ABCC6: variants seen among roughly 807,000 people sequenced by gnomAD.
The protein encoded by ABCC6 is ATP binding cassette subfamily C member 6.
ABCC6 carries 126 observed loss-of-function variants against 169.5 expected under a neutral mutation model. The observed-to-expected ratio is 0.74, with a 90% CI of 0.64 to 0.86. The LOEUF is 0.86. Ranked by LOEUF, ABCC6 falls within the 40% of genes least tolerant of loss-of-function variation. The pLI is 0.00. For missense variants in ABCC6, 1,733 were observed against 1,927.2 expected, an observed-to-expected ratio of 0.90 and a Z score of 1.89; for synonymous variants, 752 against 814.7, an observed-to-expected ratio of 0.92 and a Z score of 1.31.
intron 11 of ABCC6, among the ~76,000 whole-genome samples, chr16:16,191,067 C>T (rs7195276): frequency 0.97 from 145,708 of 150,570 alleles, 70,671 homozygotes; most frequent in East Asian, 1. Context: ...TCAGGGTCTC[C>T]TGTGCTTCAC....
intron 16 of ABCC6, 33 bp from the exon 17 acceptor site, chr16:16,182,621 T>C: frequency 6.2e-7 from 1 of 1,608,196 alleles, no homozygotes; most frequent in Non-Finnish European, 8.5e-7. Flanking sequence ...CACAGGAGGA[T>C]GATGGGGACA....
Position 16,157,819 on chromosome 16 carries a change from G to A in ABCC6, c.3736-10C>T, listed in dbSNP as rs370514701. ...GCAGCCTCCAGGGAGCCTGGAGCAG[G>A]AGGGGAAACTGAGTCAGAGGAGCCT... On this transcript the variant is annotated splice_polypyrimidine_tract_variant and intron_variant, in intron 26 of 30. Transcript: ENST00000205557. 3 of 1,607,836 alleles carry A rather than the reference G, an allele frequency of 1.9e-6. No individual in the cohort carries two copies. The highest frequency in any genetic ancestry group is 2.7e-5 in the African/African-American group (2 of 74,880).
chr16:16,198,618 G>A (rs947886032), intron 9 of ABCC6, among the ~76,000 whole-genome samples: 6 of 152,040 alleles, frequency 3.9e-5, no homozygotes, highest in Admixed American at 3.9e-4. Flanking sequence ...GGAGGCTGAG[G>A]TGGGAGGATT....
In ABCC6 at chr16:16,188,961, A is replaced by G. The variant is rs914084997; in HGVS notation, c.1649T>C (p.Val550Ala). 8.7e-6 allele frequency: 14 copies of G among 1,606,564 alleles called. 1 individual carries two copies. In the Middle Eastern group the frequency reaches 4.9e-4, roughly 57 times the overall value. Reference protein sequence around the residue: ...QVSTFLVALVVFAVHTLVAEN... With the variant: ...QVSTFLVALVAFAVHTLVAEN... ...GGCCACCAGAGTGTGGACAGCAAAC[A>G]CCACCAGTGCGACCTGGGGGGTGGG... Residue 550 changes from valine to alanine, a missense_variant, in exon 13 of 31, where the codon GTG becomes GCG. Physicochemically the swap from Val to Ala is moderately conservative, Grantham distance 64. Coordinates refer to ENST00000205557, the MANE Select transcript of ABCC6 (RefSeq NM_001171.6).
At chr16:16,171,966 G>A (rs1343833526) in intron 21 of ABCC6, among the ~76,000 whole-genome samples, 1 of 138,570 alleles carries the variant, frequency 7.2e-6, no homozygotes, top group Non-Finnish European at 1.6e-5. Flanking sequence ...GTGGTTGGGT[G>A]GGTGGGATGG....
At chr16:16,210,879 A>C (rs1280882516) in intron 6 of ABCC6, among the ~76,000 whole-genome samples, 1 of 152,102 alleles carries the variant, frequency 6.6e-6, no homozygotes, top group Non-Finnish European at 1.5e-5. Flanking sequence ...AGATCACTTG[A>C]GGTCAGGAGT....
intron 13 of ABCC6, among the ~76,000 whole-genome samples, 185 bp from the exon 14 acceptor site, chr16:16,187,396 T>C (rs921002166): frequency 2.6e-5 from 4 of 152,174 alleles, no homozygotes; most frequent in Non-Finnish European, 4.4e-5. Context: ...TTGATGGTGG[T>C]GATCTCCCAC....
Position 16,154,615 on chromosome 16 carries a change from G to A in ABCC6, c.4208+13C>T. Reference sequence around the variant, plus strand: ...CCCACCTGCAGGTCCCAGCCATGGTGGGACGACCATACCTCAGGTCCTCGC... The same window carrying A: ...CCCACCTGCAGGTCCCAGCCATGGTAGGACGACCATACCTCAGGTCCTCGC... On this transcript the variant is annotated intron_variant, in intron 29 of 30. Transcript: ENST00000205557. The A allele has an allele frequency of 6.2e-7, 1 of 1,611,578 alleles. No individual in the cohort carries two copies. Among genetic ancestry groups the A allele is most frequent in the Non-Finnish European group, 8.5e-7 (1 of 1,179,966 alleles).
At position 16,165,820 on chromosome 16, in the gene ABCC6, CAAA is replaced by C. The variant is rs72664230; in HGVS notation, c.3106_3108del (p.Phe1036del). The C allele has an allele frequency of 4.3e-6, 7 of 1,613,558 alleles. No individual in the cohort carries two copies. The Admixed American group carries it at 1.2e-4, about 27-fold the overall frequency. On this transcript the variant is annotated inframe_deletion, in exon 23 of 31. Transcript: ENST00000205557. ...AGCAGGTGACCAATGGGTGTCCGCT[CAAA>C]GAAGCTGATGGGAGATCGCACCACA...
intron 15 of ABCC6, 44 bp from the exon 16 acceptor site, chr16:16,182,974 C>T (rs375951031): frequency 8.1e-6 from 13 of 1,613,988 alleles, no homozygotes; most frequent in Non-Finnish European, 1.0e-5. Context: ...TAGGGTTCAG[C>T]CCGCCTCTGT....
chr16:16,154,634 T>C lies in ABCC6; in HGVS notation c.4202A>G (p.Asp1401Gly), dbSNP rs1316729159. The C allele has an allele frequency of 1.2e-6, 2 of 1,611,988 alleles. No homozygotes were observed. The highest frequency in any genetic ancestry group is 2.2e-5 in the South Asian group (2 of 90,984). Residue 1401 changes from aspartate (D) to glycine (G), a missense_variant, in exon 29 of 31, where the codon GAC becomes GGC. By Grantham distance (94) the Asp-to-Gly change is moderately conservative. Around this residue, in one of 5 missense-constraint regions of ABCC6, gnomAD observed 1,601 missense variants for 1,635.5 expected, o/e 0.98. Transcript: ENST00000205557. ...LQYKCADRGEDLSVGQKQLLC... is the reference protein window; with the variant it reads ...LQYKCADRGEGLSVGQKQLLC... ...CATGGTGGGACGACCATACCTCAGG[T>C]CCTCGCCTCGGTCAGCACACTTGTA... is the stretch of plus-strand genomic sequence containing the variant.
intron 20 of ABCC6, among the ~76,000 whole-genome samples, chr16:16,173,862 C>T (rs976843826): frequency 4.6e-5 from 7 of 151,996 alleles, no homozygotes; most frequent in African/African-American, 1.4e-4. Context: ...CTTAAGCTTT[C>T]GTGCAATTGT....
chr16:16,175,968 C>A lies in ABCC6; in HGVS notation c.2609G>T (p.Ser870Ile), dbSNP rs754624352. Residue 870 changes from serine to isoleucine, a missense_variant, in exon 20 of 31, where the codon AGC (serine) becomes ATC (isoleucine). Coordinates refer to ENST00000205557, the MANE Select transcript of ABCC6 (RefSeq NM_001171.6). ...RGEGETEPGT[S>I]TKDPRGTSAG... Reference sequence around the variant, plus strand: ...AGAGGTGCCTCTGGGGTCCTTGGTGCTGGTCCCAGGTTCTGTTTCTGCAAG... The same window carrying A: ...AGAGGTGCCTCTGGGGTCCTTGGTGATGGTCCCAGGTTCTGTTTCTGCAAG... 1.1e-5 allele frequency: 17 copies of A among 1,614,132 alleles called. No individual in the cohort carries two copies. In the South Asian group the frequency reaches 1.6e-4, roughly 16 times the overall value.
chr16:16,165,982 GC>G (rs1280784020), intron 22 of ABCC6, 49 bp from the exon 23 acceptor site: 4 of 1,585,766 alleles, frequency 2.5e-6, no homozygotes, highest in Non-Finnish European at 3.4e-6. Flanking sequence ...ACCCTCAGGA[GC>G]GGCCCACGGG....
chr16:16,152,009 G>A (rs1163529183), intron 29 of ABCC6, among the ~76,000 whole-genome samples: 2 of 151,732 alleles, frequency 1.3e-5, no homozygotes, highest in Admixed American at 6.6e-5. Context: ...TGGCTAACAC[G>A]GTGAAACCCT....
chr16:16,213,110 G>A (rs2048700466), intron 5 of ABCC6, among the ~76,000 whole-genome samples: 1 of 147,716 alleles, frequency 6.8e-6, no homozygotes, highest in Non-Finnish European at 1.5e-5. Flanking sequence ...TTGAATACAG[G>A]GTCTCGCTCT....
chr16:16,205,726 TC>T (rs2048372887), intron 7 of ABCC6, among the ~76,000 whole-genome samples: 1 of 152,150 alleles, frequency 6.6e-6, no homozygotes, highest in Admixed American at 6.5e-5. Flanking sequence ...TCCAACCCTC[TC>T]TTTGTCTCGT....
chr16:16,165,862 T>C lies in ABCC6; in HGVS notation c.3067A>G (p.Arg1023Gly). 1.2e-6 allele frequency: 2 copies of C among 1,613,282 alleles called. No individual in the cohort carries two copies. The highest frequency in any genetic ancestry group is 1.7e-6 in the Non-Finnish European group (2 of 1,180,008). The change falls in exon 23 of 31, where the codon AGG (arginine) becomes GGG (glycine). Residue 1023 changes from arginine (R) to glycine (G), a missense_variant. Coordinates refer to ENST00000205557, the MANE Select transcript of ABCC6 (RefSeq NM_001171.6). The stretch of plus-strand genomic sequence containing the variant: ...GATCGCACCACATCCCACAGGAGCC[T>C]CTGGAAGAGCAACCTGGATGCCCGG... ...GARASRLLFQRLLWDVVRSPI... is the reference protein window; with the variant it reads ...GARASRLLFQGLLWDVVRSPI...
Position 16,185,036 on chromosome 16 carries a change from TGCA to T in ABCC6, c.1868-5_1868-3del. 6.2e-7 allele frequency: 1 copy of T among 1,613,374 alleles called. No homozygotes were observed. Among genetic ancestry groups the T allele is most frequent in the Non-Finnish European group, 8.5e-7 (1 of 1,179,302 alleles). On this transcript the variant is annotated splice_region_variant and splice_polypyrimidine_tract_variant and intron_variant, in intron 14 of 30. Coordinates refer to ENST00000205557, the MANE Select transcript of ABCC6 (RefSeq NM_001171.6). ...TGGTGATGCAATCCTTCCCGGCAGC[TGCA>T]GGGCACAAGAGGCCATTTACAGGAG... is the stretch of plus-strand genomic sequence containing the variant.
Sources: gnomAD v4.1 joint callset for allele counts (sites outside exome capture counted in the v4.1 genomes callset) on GRCh38, gnomAD v4.1.1 for gene constraint, gnomAD v4.1.1 regional missense constraint, MANE v1.5 for transcripts, NCBI Gene and HGNC (gene_info 2026-07-23, HGNC 2026-07-21) for gene names.